Variants in LUZP2 observed in about 807,000 individuals in gnomAD.
LUZP2 encodes leucine zipper protein 2.
Under a neutral mutation model 51.6 loss-of-function variants are expected in LUZP2, and 52 were observed. The observed-to-expected ratio is 1.01, with a 90% confidence interval of 0.81 to 1.27. LUZP2 has a LOEUF of 1.27. Among genes scored for constraint, LUZP2 ranks in the 50% most tolerant of loss-of-function variants. The probability of loss-of-function intolerance (pLI) is 0.00; values close to 1 mark genes in which losing one functional copy is unlikely to be tolerated. For missense variants in LUZP2, 436 were observed against 395.4 expected, an observed-to-expected ratio of 1.10 and a Z score of -0.87; for synonymous variants, 154 against 137.3, an observed-to-expected ratio of 1.12 and a Z score of -0.85.
At chr11:24,921,363 C>T (rs949939953) in intron 7 of LUZP2, among the ~76,000 whole-genome samples, 1 of 152,088 alleles carries the variant, frequency 6.6e-6, no homozygotes, top group Non-Finnish European at 1.5e-5. Context: ...AAACCTGGCC[C>T]TCCCACCTTA....
chr11:25,050,494 C>T (rs1408635816), intron 10 of LUZP2, among the ~76,000 whole-genome samples: 3 of 151,740 alleles, frequency 2.0e-5, no homozygotes, highest in Non-Finnish European at 4.4e-5. Flanking sequence ...TTGGTAGAGA[C>T]GGGGTTTCAC....
At chr11:24,769,981 A>G (rs1280666561) in intron 5 of LUZP2, among the ~76,000 whole-genome samples, 1 of 152,074 alleles carries the variant, frequency 6.6e-6, no homozygotes, top group Non-Finnish European at 1.5e-5. Context: ...TTCAGTAGAG[A>G]TGAGGTTTTG....
Position 24,548,121 on chromosome 11 carries a change from C to T in LUZP2, c.62+50816C>T, listed in dbSNP as rs541465606. Among the ~76,000 whole-genome samples the T allele has an allele frequency of 2.5e-3, 381 of 152,150 alleles. 3 individuals are homozygous for T. Among genetic ancestry groups the T allele is most frequent in the Non-Finnish European group, 2.3e-3 (159 of 67,976 alleles). On this transcript the variant is annotated intron_variant, in intron 1 of 11. Transcript: ENST00000336930. ...CTGGTGGAAATGTAAATTAGTTCAGCCACTGTGAAAAGCAGCCTGGAGATT... is the reference window on the plus strand; with the variant it reads ...CTGGTGGAAATGTAAATTAGTTCAGTCACTGTGAAAAGCAGCCTGGAGATT...
intron 7 of LUZP2, among the ~76,000 whole-genome samples, chr11:24,952,895 T>A (rs1265083363): frequency 6.6e-6 from 1 of 151,892 alleles, no homozygotes; most frequent in African/African-American, 2.4e-5. Context: ...GTTGAAGAGC[T>A]CTTTGGCCCA....
At chr11:24,916,328 A>AT (rs770359447) in intron 7 of LUZP2, among the ~76,000 whole-genome samples, 22 of 151,292 alleles carry the variant, frequency 1.5e-4, no homozygotes, top group Admixed American at 3.3e-4. Flanking sequence ...TTTATTTTTT[A>AT]TTTTTTTTAT....
chr11:24,855,052 A>G (rs1851516862), intron 5 of LUZP2, among the ~76,000 whole-genome samples: 2 of 152,128 alleles, frequency 1.3e-5, no homozygotes, highest in South Asian at 4.1e-4. Flanking sequence ...GCTTGGAGCT[A>G]TAGACTGGAG....
intron 1 of LUZP2, among the ~76,000 whole-genome samples, chr11:24,515,912 AT>A (rs1383952270): frequency 6.6e-6 from 1 of 152,012 alleles, no homozygotes; most frequent in Admixed American, 6.6e-5. Context: ...TTGTCCTGTC[AT>A]GTTTTTTTTC....
chr11:24,497,071 C>A lies in LUZP2; in HGVS notation c.-173C>A, dbSNP rs952986637. 1 of 472,588 alleles carries A rather than the reference C, an allele frequency of 2.1e-6. No individual in the cohort carries two copies. Among genetic ancestry groups the A allele is most frequent in the Non-Finnish European group, 3.7e-6 (1 of 272,074 alleles). The allele number at this position is 472,588 out of a possible 1,614,324, so 29.3% of individuals were successfully genotyped here. ...TGACATCACTCCTGAAGATACTCCT[C>A]GCTCCCAGCGCCTGCCTTCCCCAGG... is the stretch of plus-strand genomic sequence containing the variant. On this transcript the variant is annotated 5_prime_UTR_variant, in exon 1 of 12. Transcript: ENST00000336930.
chr11:24,598,499 G>A (rs1853518826), intron 1 of LUZP2, among the ~76,000 whole-genome samples: 1 of 152,030 alleles, frequency 6.6e-6, no homozygotes, highest in African/African-American at 2.4e-5. Flanking sequence ...AGCAAAATTA[G>A]ATGATTAAAA....
Position 24,677,578 on chromosome 11 carries a change from G to A in LUZP2, c.63-51591G>A, listed in dbSNP as rs185049001. ...ATTCCTTATGTCACTTTTCTGCAAC[G>A]TCTTTCCTGACCATTCTAGGTAGGT... is the stretch of plus-strand genomic sequence containing the variant. On this transcript the variant is annotated intron_variant, in intron 1 of 11. Coordinates refer to ENST00000336930, the MANE Select transcript of LUZP2 (RefSeq NM_001009909.4). 3.6e-4 allele frequency among the ~76,000 whole-genome samples: 55 copies of A among 152,134 alleles called. 1 individual carries two copies. The South Asian group carries it at 5.8e-3, about 16-fold the overall frequency.
chr11:24,951,925 A>C (rs1352433563), intron 7 of LUZP2, among the ~76,000 whole-genome samples: 2 of 151,716 alleles, frequency 1.3e-5, no homozygotes, highest in African/African-American at 4.8e-5. Context: ...TGAGGTCTCT[A>C]TTTTATGAAT....
rs149233965 is a variant in LUZP2 at position 24,676,465 on chromosome 11, T to C, written c.63-52704T>C. Reference sequence around the variant, plus strand: ...CAATAAAAGCTGTTTAACACTATCATTAAAGTGTAGCAATCCAGAGATTGT... The same window carrying C: ...CAATAAAAGCTGTTTAACACTATCACTAAAGTGTAGCAATCCAGAGATTGT... On this transcript the variant is annotated intron_variant, in intron 1 of 11. Transcript: ENST00000336930. Among the ~76,000 whole-genome samples, 521 of 152,232 alleles carry C rather than the reference T, an allele frequency of 3.4e-3. 4 individuals carry two copies. The highest frequency in any genetic ancestry group is 0.012 in the African/African-American group (495 of 41,562).
At chr11:24,774,385 T>C (rs544858037) in intron 5 of LUZP2, among the ~76,000 whole-genome samples, 5,370 of 109,578 alleles carry the variant, frequency 0.049, 507 homozygotes, top group African/African-American at 0.15. Context: ...TATATATACA[T>C]ACACACACAC....
intron 5 of LUZP2, among the ~76,000 whole-genome samples, chr11:24,815,178 A>G (rs1293731883): frequency 6.6e-6 from 1 of 152,200 alleles, no homozygotes; most frequent in Non-Finnish European, 1.5e-5. Flanking sequence ...AAACCCCCAT[A>G]CACAAATTTT....
At chr11:25,022,103 C>A (rs1857351650) in intron 9 of LUZP2, among the ~76,000 whole-genome samples, 1 of 152,062 alleles carries the variant, frequency 6.6e-6, no homozygotes, top group Admixed American at 6.6e-5. Flanking sequence ...ATCTGGAGAA[C>A]CAATGCTCAT....
intron 1 of LUZP2, among the ~76,000 whole-genome samples, chr11:24,498,495 A>C (rs1327322342): frequency 2.0e-5 from 3 of 152,138 alleles, no homozygotes; most frequent in Non-Finnish European, 4.4e-5. Flanking sequence ...ATAATTGATA[A>C]ATTTAGTCTT....
At chr11:25,034,621 C>T (rs1390976199) in intron 9 of LUZP2, among the ~76,000 whole-genome samples, 1 of 152,100 alleles carries the variant, frequency 6.6e-6, no homozygotes, top group African/African-American at 2.4e-5. Flanking sequence ...AGGGGTCCAG[C>T]TTCAATCTTC....
At chr11:24,789,937 C>T (rs574634160) in intron 5 of LUZP2, among the ~76,000 whole-genome samples, 1 of 152,304 alleles carries the variant, frequency 6.6e-6, no homozygotes, top group East Asian at 1.9e-4. Context: ...GGGATATAAA[C>T]ATTTCAACCA....
chr11:24,946,273 G>C (rs887627736), intron 7 of LUZP2, among the ~76,000 whole-genome samples: 4 of 151,902 alleles, frequency 2.6e-5, no homozygotes, highest in Admixed American at 1.3e-4. Flanking sequence ...CAATATATTT[G>C]GTTTTTGTTT....
Sources: gnomAD v4.1 joint callset for allele counts (sites outside exome capture counted in the v4.1 genomes callset) on GRCh38, gnomAD v4.1.1 for gene constraint, MANE v1.5 for transcripts, NCBI Gene and HGNC (gene_info 2026-07-23, HGNC 2026-07-21) for gene names.